The following TNIK variants were observed in gnomAD, a reference collection of about 807,000 sequenced individuals.
TNIK encodes TRAF2 and NCK-interacting protein kinase.
A neutral mutation model predicts 191.3 loss-of-function variants in TNIK; 49 were observed. That is an observed-to-expected ratio of 0.26 (90% CI 0.20 to 0.32). The LOEUF is 0.32. Among genes scored for constraint, TNIK ranks in the 10% least tolerant of loss-of-function variants. The pLI is 1.00. For missense variants in TNIK, 1,155 were observed against 1,702.3 expected (o/e 0.68, Z 5.66); for synonymous variants, 594 against 600.9 (o/e 0.99, Z 0.17).
rs750331814 is a variant in TNIK at position 171,067,672 on chromosome 3, CAAAA to C, written c.3700-941_3700-938del. 8.4e-3 allele frequency among the ~76,000 whole-genome samples: 663 copies of C among 78,704 alleles called. 6 individuals carry two copies. Among genetic ancestry groups the C allele is most frequent in the Middle Eastern group, 0.031 (5 of 160 alleles). 51.6% of individuals were successfully genotyped at this position (78,704 alleles called of 152,430 possible). A position where few individuals can be genotyped will look rare whatever the true frequency, so the allele number is the denominator to read the frequency against. On this transcript the variant is annotated intron_variant, in intron 30 of 32. Transcript: ENST00000436636. The stretch of plus-strand genomic sequence containing the variant: ...GGGTGACAGAGCGAGACTCCGTATC[CAAAA>C]AAAAAAAAAAAAAAATCACTATTGA...
intron 2 of TNIK, among the ~76,000 whole-genome samples, chr3:171,286,793 T>A (rs531731894): frequency 2.6e-5 from 4 of 152,236 alleles, no homozygotes; most frequent in Non-Finnish European, 5.9e-5. Flanking sequence ...GTACTTCTAT[T>A]TACACAATCT....
chr3:171,459,861 C>G, intron 1 of TNIK, 146 bp downstream of exon 1: 1 of 1,029,204 alleles, frequency 9.7e-7, no homozygotes, highest in Non-Finnish European at 1.4e-6. Flanking sequence ...TCAGCAACCC[C>G]GAATCAAAAC....
chr3:171,459,181 T>G (rs1578010007), intron 1 of TNIK, among the ~76,000 whole-genome samples: 1 of 149,996 alleles, frequency 6.7e-6, no homozygotes, highest in Non-Finnish European at 1.5e-5. Flanking sequence ...GGGAGGGAGG[T>G]GCTCTACAAA....
At chr3:171,456,201 A>G (rs886305066) in intron 1 of TNIK, among the ~76,000 whole-genome samples, 2 of 152,206 alleles carry the variant, frequency 1.3e-5, no homozygotes, top group African/African-American at 4.8e-5. Flanking sequence ...GGCCAAGTTA[A>G]GGACAGCCAA....
chr3:171,173,635 TA>T (rs1473684139), intron 9 of TNIK, among the ~76,000 whole-genome samples: 1 of 152,148 alleles, frequency 6.6e-6, no homozygotes, highest in Non-Finnish European at 1.5e-5. Context: ...TTAATACACA[TA>T]TTTTTAAAAC....
intron 2 of TNIK, among the ~76,000 whole-genome samples, chr3:171,357,886 G>A (rs1237153133): frequency 5.3e-5 from 8 of 152,176 alleles, no homozygotes; most frequent in Admixed American, 1.3e-4. Context: ...AGGATGGGCC[G>A]TAGATGAGGC....
chr3:171,205,650 C>T (rs1739967939), intron 4 of TNIK, among the ~76,000 whole-genome samples: 1 of 152,182 alleles, frequency 6.6e-6, no homozygotes, highest in African/African-American at 2.4e-5. Context: ...CTTGACCCAT[C>T]TGGTCTATTC....
intron 2 of TNIK, among the ~76,000 whole-genome samples, chr3:171,239,732 T>C (rs933204832): frequency 6.6e-5 from 10 of 152,234 alleles, no homozygotes; most frequent in Non-Finnish European, 1.2e-4. Context: ...GTTTTATAAA[T>C]GCAGGATGGC....
chr3:171,274,911 G>GA, intron 2 of TNIK, among the ~76,000 whole-genome samples: 1 of 152,126 alleles, frequency 6.6e-6, no homozygotes, highest in East Asian at 1.9e-4. Context: ...AATTAATCTT[G>GA]CAAAACTGGG....
chr3:171,240,748 A>G (rs750989500), intron 2 of TNIK, among the ~76,000 whole-genome samples: 1 of 152,152 alleles, frequency 6.6e-6, no homozygotes, highest in Non-Finnish European at 1.5e-5. Context: ...TGCTATATCT[A>G]AAACTTCAAC....
At position 171,211,184 on chromosome 3, in the gene TNIK, G is replaced by C. The variant is rs777611252; in HGVS notation, c.238C>G (p.Arg80Gly). ...INMLKKYSHH[R>G]NIATYYGAFI... is the part of the protein sequence containing the mutation. ...GCACCATAGTATGTAGCAATATTCCGGTGATGAGAATATTTCTTCAACATG... is the reference window on the plus strand; with the variant it reads ...GCACCATAGTATGTAGCAATATTCCCGTGATGAGAATATTTCTTCAACATG... The change falls in exon 4 of 33, where the codon CGG (arginine) becomes GGG (glycine). Residue 80 changes from arginine (R) to glycine (G), a missense_variant. Arg to Gly is a moderately radical substitution (Grantham distance 125). This residue lies in a region of TNIK where 225 missense variants were observed against 438.9 expected (regional missense o/e 0.51). Transcript: ENST00000436636. The C allele has an allele frequency of 6.2e-7, 1 of 1,612,432 alleles. No individual in the cohort carries two copies. Among genetic ancestry groups the C allele is most frequent in the Admixed American group, 1.7e-5 (1 of 59,936 alleles).
intron 9 of TNIK, among the ~76,000 whole-genome samples, chr3:171,167,881 T>C (rs748165031): frequency 7.2e-5 from 11 of 152,210 alleles, no homozygotes; most frequent in Non-Finnish European, 1.2e-4. Context: ...AACCAGTAGT[T>C]TCAGAATCAC....
intron 1 of TNIK, among the ~76,000 whole-genome samples, chr3:171,382,980 G>A (rs908482553): frequency 1.3e-5 from 2 of 152,058 alleles, no homozygotes; most frequent in Non-Finnish European, 2.9e-5. Flanking sequence ...GTCTCCCCAT[G>A]CCCCAGACAT....
intron 32 of TNIK, among the ~76,000 whole-genome samples, chr3:171,065,638 A>G (rs1718340630): frequency 6.6e-6 from 1 of 152,216 alleles, no homozygotes; most frequent in Non-Finnish European, 1.5e-5. Context: ...TTCACTGGAA[A>G]ACAGTTCACC....
At chr3:171,356,723 A>G (rs945443076) in intron 2 of TNIK, among the ~76,000 whole-genome samples, 2 of 152,210 alleles carry the variant, frequency 1.3e-5, no homozygotes, top group Non-Finnish European at 2.9e-5. Context: ...ATGCTCTACT[A>G]CTTACCTGGG....
Position 171,402,447 on chromosome 3 carries a change from C to T in TNIK, c.58-32762G>A, listed in dbSNP as rs142342760. On this transcript the variant is annotated intron_variant, in intron 1 of 32. Transcript: ENST00000436636. Reference sequence around the variant, plus strand: ...CTTTCACAATGCTAGTTGTGGGTCTCGAATTTGGCTGTGAACCACCTGGCA... The same window carrying T: ...CTTTCACAATGCTAGTTGTGGGTCTTGAATTTGGCTGTGAACCACCTGGCA... 3.3e-4 allele frequency among the ~76,000 whole-genome samples: 50 copies of T among 152,284 alleles called. No individual in the cohort carries two copies. In the East Asian group the frequency reaches 4.6e-3, roughly 14 times the overall value.
intron 4 of TNIK, among the ~76,000 whole-genome samples, chr3:171,204,906 A>T (rs1033630715): frequency 2.0e-5 from 3 of 152,158 alleles, no homozygotes; most frequent in African/African-American, 7.2e-5. Flanking sequence ...TTCATCACGG[A>T]CTTGCTATAA....
At chr3:171,359,252 T>C (rs558221281) in intron 2 of TNIK, among the ~76,000 whole-genome samples, 1 of 152,306 alleles carries the variant, frequency 6.6e-6, no homozygotes, top group South Asian at 2.1e-4. Context: ...CAAGCCATAC[T>C]CGAAGTATCA....
At position 171,088,237 on chromosome 3, in the gene TNIK, C is replaced by CTT. The variant is rs760417147; in HGVS notation, c.2722-733_2722-732dup. 1.6e-3 allele frequency among the ~76,000 whole-genome samples: 235 copies of CTT among 142,902 alleles called. 3 individuals are homozygous for CTT. Among genetic ancestry groups the CTT allele is most frequent in the African/African-American group, 5.7e-3 (222 of 39,106 alleles). The allele number at this position is 142,902 out of a possible 152,430, so 93.7% of individuals were successfully genotyped here. On this transcript the variant is annotated intron_variant, in intron 23 of 32. Transcript: ENST00000436636. Reference sequence around the variant, plus strand: ...TTTTTAATGTCCTTTAAAGGTTTTTCTTTTTTTTTTTTTTGAGATGGACTC... The same window carrying CTT: ...TTTTTAATGTCCTTTAAAGGTTTTTCTTTTTTTTTTTTTTTTGAGATGGACTC...
Sources: allele counts gnomAD v4.1 joint callset (sites outside exome capture counted in the v4.1 genomes callset), GRCh38; gene constraint gnomAD v4.1.1; regional missense constraint gnomAD v4.1.1; transcripts MANE v1.5; gene names NCBI Gene and HGNC (gene_info 2026-07-23, HGNC 2026-07-21).